Variants in ATP8B4 observed in about 807,000 individuals in gnomAD.
ATP8B4 encodes ATPase phospholipid transporting 8B4 (putative).
A neutral mutation model predicts 145.6 loss-of-function variants in ATP8B4; 133 were observed. The observed-to-expected ratio is 0.91, with a 90% CI of 0.79 to 1.05. ATP8B4 has a LOEUF of 1.05. ATP8B4 is among the 50% of genes least tolerant of loss of function. The pLI is 0.00. For missense variants in ATP8B4, 1,458 were observed against 1,425.2 expected (o/e 1.02, Z -0.37); for synonymous variants, 507 against 492.9 (o/e 1.03, Z -0.38).
At chr15:49,995,800 T>C (rs1479432597) in intron 9 of ATP8B4, among the ~76,000 whole-genome samples, 1 of 152,156 alleles carries the variant, frequency 6.6e-6, no homozygotes, top group Non-Finnish European at 1.5e-5. Context: ...TATACTAATA[T>C]TCTGGGCCAG....
chr15:50,028,191 C>T (rs578104542), intron 6 of ATP8B4, among the ~76,000 whole-genome samples: 1 of 152,232 alleles, frequency 6.6e-6, no homozygotes, highest in East Asian at 1.9e-4. Flanking sequence ...TTTCCCAGGT[C>T]CTTTTGAGTC....
At chr15:50,089,026 G>A (rs879556895) in intron 2 of ATP8B4, among the ~76,000 whole-genome samples, 2 of 152,136 alleles carry the variant, frequency 1.3e-5, no homozygotes, top group African/African-American at 4.8e-5. Flanking sequence ...AAGCAATGGG[G>A]AAAGGATTTC....
intron 2 of ATP8B4, among the ~76,000 whole-genome samples, chr15:50,095,343 T>C (rs903797057): frequency 2.0e-5 from 3 of 152,122 alleles, no homozygotes; most frequent in Non-Finnish European, 4.4e-5. Flanking sequence ...TCTTCAAATA[T>C]TTGATTGTTT....
At chr15:49,865,249 T>C (rs2032578571) in intron 26 of ATP8B4, among the ~76,000 whole-genome samples, 1 of 152,222 alleles carries the variant, frequency 6.6e-6, no homozygotes, top group African/African-American at 2.4e-5. Flanking sequence ...AGTTCCTAGA[T>C]AGCTGAACAT....
chr15:49,983,781 TC>T (rs1178109849), intron 10 of ATP8B4, among the ~76,000 whole-genome samples: 1 of 152,194 alleles, frequency 6.6e-6, no homozygotes, highest in Admixed American at 6.5e-5. Context: ...CTAGCCCCTA[TC>T]CATGTCTCCA....
intron 14 of ATP8B4, among the ~76,000 whole-genome samples, chr15:49,955,759 G>A (rs770258041): frequency 2.6e-5 from 4 of 152,126 alleles, no homozygotes; most frequent in Admixed American, 6.5e-5. Flanking sequence ...AATGAAAAGC[G>A]CTGGTCACAG....
intron 1 of ATP8B4, among the ~76,000 whole-genome samples, chr15:50,153,654 G>C (rs2044376688): frequency 6.6e-6 from 1 of 152,138 alleles, no homozygotes; most frequent in Non-Finnish European, 1.5e-5. Flanking sequence ...ACCTTAAGGG[G>C]AGAAAGAGCT....
chr15:49,868,684 C>A (rs2033205117), intron 25 of ATP8B4, among the ~76,000 whole-genome samples: 1 of 151,692 alleles, frequency 6.6e-6, no homozygotes, highest in Non-Finnish European at 1.5e-5. Flanking sequence ...GGAGTAAGGA[C>A]AAAGAAGGGT....
intron 2 of ATP8B4, among the ~76,000 whole-genome samples, chr15:50,089,416 T>C (rs1012734091): frequency 6.6e-6 from 1 of 152,056 alleles, no homozygotes; most frequent in African/African-American, 2.4e-5. Flanking sequence ...TATAAGGAAC[T>C]TAAACAAATT....
rs115352001 is a variant in ATP8B4 at position 49,918,935 on chromosome 15, C to T, written c.1939G>A (p.Ala647Thr). 3 of 1,611,744 alleles carry T rather than the reference C, an allele frequency of 1.9e-6. No individual in the cohort carries two copies. In the East Asian group the frequency reaches 6.7e-5, roughly 36 times the overall value. Residue 647 changes from alanine (A) to threonine (T), a missense_variant, in exon 19 of 28, where the codon GCT (alanine) becomes ACT (threonine). Ala to Thr is a moderately conservative substitution (Grantham distance 58). Coordinates refer to ENST00000284509, the MANE Select transcript of ATP8B4 (RefSeq NM_024837.4). ...CCCTCCTGTAACTTATCTTCTACAG[C>T]AGTGGCACCTAGTAGCTTTATTGAA... ...ERDLMLLGAT[A>T]VEDKLQEGVI...
chr15:50,156,678 C>T (rs2140827375), intron 1 of ATP8B4, among the ~76,000 whole-genome samples: 1 of 152,250 alleles, frequency 6.6e-6, no homozygotes, highest in South Asian at 2.1e-4. Context: ...AAACTGAGCT[C>T]TACATTTTCC....
rs1450891622 is a variant in ATP8B4 at position 50,056,416 on chromosome 15, A to G, written c.88-8952T>C. The stretch of plus-strand genomic sequence containing the variant: ...ACACAATTTCAGGAGGTGATCATCA[A>G]ATACTATGACAAAAACAATGAACAA... On this transcript the variant is annotated intron_variant, in intron 3 of 27. Coordinates refer to ENST00000284509, the MANE Select transcript of ATP8B4 (RefSeq NM_024837.4). 1.1e-4 allele frequency among the ~76,000 whole-genome samples: 17 copies of G among 152,250 alleles called. 1 individual carries two copies. In the South Asian group the frequency reaches 3.5e-3, roughly 32 times the overall value.
intron 6 of ATP8B4, among the ~76,000 whole-genome samples, chr15:50,014,046 G>C (rs2153574059): frequency 6.6e-6 from 1 of 152,280 alleles, no homozygotes; most frequent in East Asian, 1.9e-4. Flanking sequence ...GCTAAAGCTT[G>C]AGAAACAAAA....
chr15:50,030,433 A>G (rs1388220794), intron 6 of ATP8B4, among the ~76,000 whole-genome samples: 1 of 152,148 alleles, frequency 6.6e-6, no homozygotes, highest in Non-Finnish European at 1.5e-5. Context: ...ACTTTGTGTA[A>G]TAGGGGGGAG....
intron 1 of ATP8B4, among the ~76,000 whole-genome samples, chr15:50,140,542 G>A (rs368920491): frequency 1.3e-5 from 2 of 152,212 alleles, no homozygotes; most frequent in South Asian, 2.1e-4. Flanking sequence ...GAAGGATTAA[G>A]AGTGCCATAA....
At chr15:50,015,792 C>T (rs985285527) in intron 6 of ATP8B4, among the ~76,000 whole-genome samples, 4 of 152,166 alleles carry the variant, frequency 2.6e-5, no homozygotes, top group African/African-American at 4.8e-5. Flanking sequence ...ATGAACATAA[C>T]GCTCATATCT....
chr15:50,146,513 G>C (rs1368748884), intron 1 of ATP8B4, among the ~76,000 whole-genome samples: 1 of 152,188 alleles, frequency 6.6e-6, no homozygotes, highest in East Asian at 1.9e-4. Flanking sequence ...AATTAAGAAA[G>C]CCTTGAACTT....
At chr15:49,923,151 G>A (rs932132712) in intron 17 of ATP8B4, among the ~76,000 whole-genome samples, 1 of 152,190 alleles carries the variant, frequency 6.6e-6, no homozygotes, top group African/African-American at 2.4e-5. Flanking sequence ...CAGTTGCTGT[G>A]TGTTCCTCCA....
At chr15:50,023,777 GGC>G (rs1469944461) in intron 6 of ATP8B4, among the ~76,000 whole-genome samples, 1 of 27,416 alleles carries the variant, frequency 3.6e-5, no homozygotes, top group African/African-American at 3.4e-4. Flanking sequence ...TGAGACCAAA[GGC>G]AAAAAAAAAA....
Sources: gnomAD v4.1 joint callset for allele counts (sites outside exome capture counted in the v4.1 genomes callset) on GRCh38, gnomAD v4.1.1 for gene constraint, MANE v1.5 for transcripts, NCBI Gene and HGNC (gene_info 2026-07-23, HGNC 2026-07-21) for gene names.